The following KCNK1 variants were observed in gnomAD, a reference collection of about 807,000 sequenced individuals.
The protein encoded by KCNK1 is potassium two pore domain channel subfamily K member 1, also known as potassium channel subfamily K member 1.
In KCNK1, 10 loss-of-function variants were observed where a neutral mutation model predicts 22.2. The observed-to-expected ratio is 0.45, with a 90% CI of 0.28 to 0.76. The LOEUF (loss-of-function observed/expected upper bound fraction) is 0.76, where lower values mean the gene tolerates loss of function less well. Among genes scored for constraint, KCNK1 ranks in the 30% least tolerant of loss-of-function variants. The probability of loss-of-function intolerance (pLI) is 0.14; values close to 1 mark genes in which losing one functional copy is unlikely to be tolerated. For synonymous variants in KCNK1, 200 were observed against 186.4 expected (o/e 1.07, Z -0.60); for missense variants, 378 against 421.0 (o/e 0.90, Z 0.89).
At chr1:233,671,180 T>A (rs1216346319) in intron 2 of KCNK1, 91 bp from the exon 3 acceptor site, 1 of 1,159,096 alleles carries the variant, frequency 8.6e-7, no homozygotes, top group Non-Finnish European at 1.3e-6. Flanking sequence ...TAACAAACAC[T>A]GTGTTGGCAT....
intron 1 of KCNK1, among the ~76,000 whole-genome samples, chr1:233,614,734 C>G (rs1024978878): frequency 8.6e-5 from 13 of 151,982 alleles, no homozygotes; most frequent in African/African-American, 1.2e-4. Flanking sequence ...CTGGGTGACT[C>G]GGGAGGGCAA....
At chr1:233,664,455 C>T (rs539507236) in intron 1 of KCNK1, among the ~76,000 whole-genome samples, 4 of 152,126 alleles carry the variant, frequency 2.6e-5, no homozygotes, top group Non-Finnish European at 2.9e-5. Flanking sequence ...AATTAGTCAC[C>T]GCATTCCAGG....
At chr1:233,638,702 C>T (rs1398009243) in intron 1 of KCNK1, among the ~76,000 whole-genome samples, 2 of 152,164 alleles carry the variant, frequency 1.3e-5, no homozygotes, top group Admixed American at 6.5e-5. Flanking sequence ...GGGAGCCAAC[C>T]GAGGACACAC....
At chr1:233,647,291 G>A (rs1221555684) in intron 1 of KCNK1, among the ~76,000 whole-genome samples, 4 of 152,180 alleles carry the variant, frequency 2.6e-5, no homozygotes, top group African/African-American at 9.7e-5. Context: ...GGCTGTTCTG[G>A]TTTAATGAAT....
intron 2 of KCNK1, among the ~76,000 whole-genome samples, chr1:233,669,279 A>G (rs1221980414): frequency 6.6e-6 from 1 of 152,102 alleles, no homozygotes; most frequent in African/African-American, 2.4e-5. Flanking sequence ...CTCTTATATA[A>G]ATTGTCTTCT....
Position 233,654,907 on chromosome 1 carries a change from T to C in KCNK1, c.356-11688T>C, listed in dbSNP as rs150795052. Among the ~76,000 whole-genome samples the C allele has an allele frequency of 7.9e-3, 1,201 of 152,290 alleles. 44 individuals carry two copies. Among genetic ancestry groups the C allele is most frequent in the Admixed American group, 0.069 (1,060 of 15,292 alleles). ...GCTGCCACCTCCATCACAGCTCCAATGTGCAAAAGCTTGAGCAGGCAAGCA... is the reference window on the plus strand; with the variant it reads ...GCTGCCACCTCCATCACAGCTCCAACGTGCAAAAGCTTGAGCAGGCAAGCA... On this transcript the variant is annotated intron_variant, in intron 1 of 2. Transcript: ENST00000366621.
At chr1:233,626,687 C>T (rs1657695335) in intron 1 of KCNK1, among the ~76,000 whole-genome samples, 1 of 152,092 alleles carries the variant, frequency 6.6e-6, no homozygotes, top group South Asian at 2.1e-4. Flanking sequence ...TTAATGAATA[C>T]ATTTAACAAC....
At chr1:233,620,153 G>A (rs1020748168) in intron 1 of KCNK1, among the ~76,000 whole-genome samples, 4 of 152,194 alleles carry the variant, frequency 2.6e-5, no homozygotes, top group African/African-American at 7.2e-5. Context: ...TTATTGGTGT[G>A]CAGCCACACC....
At chr1:233,646,823 G>A (rs933649853) in intron 1 of KCNK1, among the ~76,000 whole-genome samples, 7 of 152,130 alleles carry the variant, frequency 4.6e-5, no homozygotes, top group African/African-American at 1.2e-4. Context: ...AGAAAGATGA[G>A]GATAGAATTA....
rs746522803 is a variant in KCNK1, at chr1:233,614,445, G to C, written c.274G>C (p.Val92Leu). 16 of 1,613,286 alleles carry C rather than the reference G, an allele frequency of 9.9e-6. No individual in the cohort carries two copies. The South Asian group carries it at 1.8e-4, about 18-fold the overall frequency. ...GGAGGCCAGCAACTACGGCGTGTCG[G>C]TGCTCAGCAACGCCTCGGGCAACTG... ...VLEASNYGVS[V>L]LSNASGNWNW... Residue 92 changes from valine to leucine, a missense_variant, in exon 1 of 3, where the codon GTG (valine) becomes CTG (leucine). Physicochemically the swap from Val to Leu is conservative, Grantham distance 32. Transcript: ENST00000366621.
At chr1:233,634,593 C>T (rs948298058) in intron 1 of KCNK1, among the ~76,000 whole-genome samples, 1 of 152,130 alleles carries the variant, frequency 6.6e-6, no homozygotes, top group South Asian at 2.1e-4. Flanking sequence ...AGAGAGTCAA[C>T]GAGGCTGAAG....
At chr1:233,638,028 C>T (rs6684239) in intron 1 of KCNK1, among the ~76,000 whole-genome samples, 33,473 of 151,408 alleles carry the variant, frequency 0.22, 4,069 homozygotes, top group Middle Eastern at 0.29. Flanking sequence ...TTGTCCTCTC[C>T]TGCTTCTGTT....
chr1:233,651,026 A>G (rs1191346969), intron 1 of KCNK1, among the ~76,000 whole-genome samples: 1 of 152,138 alleles, frequency 6.6e-6, no homozygotes, highest in Non-Finnish European at 1.5e-5. Context: ...ATTTAGGACT[A>G]CTTTGCTTTC....
chr1:233,639,206 CT>C (rs1297089548), intron 1 of KCNK1, among the ~76,000 whole-genome samples: 4 of 152,194 alleles, frequency 2.6e-5, no homozygotes, highest in Non-Finnish European at 4.4e-5. Context: ...CTTTTTCTTT[CT>C]TATATAGCAT....
At chr1:233,650,131 C>T in intron 1 of KCNK1, 1 of 468,274 alleles carries the variant, frequency 2.1e-6, no homozygotes, top group South Asian at 1.6e-5. Context: ...TCTCACCAAC[C>T]TTTAATCATT....
In KCNK1 at chr1:233,646,810, T is replaced by C. The variant is rs552230947; in HGVS notation, c.356-19785T>C. On this transcript the variant is annotated intron_variant, in intron 1 of 2. Transcript: ENST00000366621. ...AGTTTAGTCAAGTGGTCCTTAGAAG[T>C]TGAGAAAGATGAGGATAGAATTAAT... Among the ~76,000 whole-genome samples the C allele has an allele frequency of 8.5e-5, 13 of 152,086 alleles. No homozygotes were observed. In the South Asian group the frequency reaches 1.7e-3, roughly 19 times the overall value.
At chr1:233,628,568 T>C (rs796365987) in intron 1 of KCNK1, among the ~76,000 whole-genome samples, 3 of 152,260 alleles carry the variant, frequency 2.0e-5, no homozygotes, top group African/African-American at 7.2e-5. Context: ...GAGACCAGTC[T>C]GGCCAACATG....
chr1:233,665,575 G>A (rs551600299), intron 1 of KCNK1, among the ~76,000 whole-genome samples: 1 of 64,878 alleles, frequency 1.5e-5, no homozygotes, highest in South Asian at 6.0e-4. Context: ...CAAGAAGAAG[G>A]GTTAACAAAC....
At chr1:233,650,716 T>C (rs1339818877) in intron 1 of KCNK1, among the ~76,000 whole-genome samples, 2 of 150,544 alleles carry the variant, frequency 1.3e-5, no homozygotes, top group Non-Finnish European at 2.9e-5. Flanking sequence ...GAGACATAGC[T>C]AATAAGAAGC....
Sources: allele counts gnomAD v4.1 joint callset (sites outside exome capture counted in the v4.1 genomes callset), GRCh38; gene constraint gnomAD v4.1.1; transcripts MANE v1.5; gene names NCBI Gene and HGNC (gene_info 2026-07-23, HGNC 2026-07-21).